Variants in OTOGL observed in about 807,000 individuals in gnomAD.
OTOGL encodes otogelin-like protein.
In OTOGL, 285 loss-of-function variants were observed where a neutral mutation model predicts 318.5. That is an observed-to-expected ratio of 0.89 (90% CI 0.81 to 0.99). OTOGL has a LOEUF of 0.99. OTOGL is among the 50% of genes least tolerant of loss of function. The probability of loss-of-function intolerance (pLI) is 0.00; values close to 1 mark genes in which losing one functional copy is unlikely to be tolerated. For synonymous variants in OTOGL, 987 were observed against 936.5 expected (o/e 1.05, Z -0.99); for missense variants, 2,899 against 2,845.6 (o/e 1.02, Z -0.43).
At chr12:80,191,537 TTTC>T (rs1231303159) in intron 1 of OTOGL, among the ~76,000 whole-genome samples, 4 of 152,256 alleles carry the variant, frequency 2.6e-5, no homozygotes, top group African/African-American at 9.6e-5. Flanking sequence ...ATATACTGTA[TTTC>T]TTAATATATT....
chr12:80,341,668 G>A (rs538166649), intron 43 of OTOGL, among the ~76,000 whole-genome samples: 2 of 152,106 alleles, frequency 1.3e-5, no homozygotes, highest in Non-Finnish European at 2.9e-5. Flanking sequence ...CAGAATTAAT[G>A]TCTTCTTTCT....
chr12:80,255,091 A>T lies in OTOGL; in HGVS notation c.1493A>T (p.His498Leu), dbSNP rs777352953. 2.0e-6 allele frequency: 3 copies of T among 1,526,600 alleles called. No individual in the cohort carries two copies. The allele number at this position is 1,526,600 out of a possible 1,614,324, so 94.6% of individuals were successfully genotyped here. Reference sequence around the variant, plus strand: ...CACTTTACAACTTTTGATGGTCGACATTATTCTTTTATTGGCATGTGCCAA... The same window carrying T: ...CACTTTACAACTTTTGATGGTCGACTTTATTCTTTTATTGGCATGTGCCAA... ...DSHFTTFDGRHYSFIGMCQYI... is the reference protein window; with the variant it reads ...DSHFTTFDGRLYSFIGMCQYI... The change falls in exon 16 of 59, where the codon CAT becomes CTT. Residue 498 changes from histidine (H) to leucine (L), a missense_variant. Physicochemically the swap from His to Leu is moderately conservative, Grantham distance 99 (BLOSUM62 -3). This residue lies in a region of OTOGL where 2,607 missense variants were observed against 2,524.9 expected (regional missense o/e 1.03). Coordinates refer to ENST00000547103, the MANE Select transcript of OTOGL (RefSeq NM_001378609.3).
intron 36 of OTOGL, 96 bp downstream of exon 36, chr12:80,328,840 C>A: frequency 1.7e-6 from 2 of 1,183,818 alleles, no homozygotes; most frequent in Non-Finnish European, 2.4e-6. Flanking sequence ...TTTAAACAGA[C>A]AATCAACTCT....
At chr12:80,220,648 T>C (rs543105827) in intron 6 of OTOGL, among the ~76,000 whole-genome samples, 4 of 124,714 alleles carry the variant, frequency 3.2e-5, no homozygotes, top group African/African-American at 1.2e-4. Context: ...ATCCACAGTG[T>C]CTAAGATAGG....
At chr12:80,340,836 C>T (rs564690286) in intron 43 of OTOGL, among the ~76,000 whole-genome samples, 39 of 151,902 alleles carry the variant, frequency 2.6e-4, no homozygotes, top group African/African-American at 9.2e-4. Flanking sequence ...GGAGTGGTGA[C>T]TGAAGTTGCA....
intron 1 of OTOGL, among the ~76,000 whole-genome samples, chr12:80,173,245 C>T (rs545207338): frequency 5.2e-4 from 79 of 151,890 alleles, no homozygotes; most frequent in Non-Finnish European, 9.7e-4. Flanking sequence ...ACTCCACAGA[C>T]GGAGCAGTGG....
At chr12:80,132,057 C>G (rs1002274939) in intron 1 of OTOGL, 2 of 152,156 alleles carry the variant, frequency 1.3e-5, no homozygotes, top group African/African-American at 4.8e-5. Context: ...CCTCAACAGA[C>G]CTACTGAATC....
intron 1 of OTOGL, among the ~76,000 whole-genome samples, chr12:80,184,425 A>G (rs1875142886): frequency 6.6e-6 from 1 of 152,210 alleles, no homozygotes; most frequent in Non-Finnish European, 1.5e-5. Context: ...ATAGTAAAAG[A>G]CGTATTTTTT....
chr12:80,307,958 C>A (rs1463627616), intron 29 of OTOGL, among the ~76,000 whole-genome samples: 1 of 138,732 alleles, frequency 7.2e-6, no homozygotes, highest in Admixed American at 6.8e-5. Context: ...AGCGGCTGGC[C>A]GGGCAGAGGG....
In OTOGL at chr12:80,318,651, T is replaced by C. The variant is rs1349363273; in HGVS notation, c.3740T>C (p.Val1247Ala). 6.9e-7 allele frequency: 1 copy of C among 1,453,124 alleles called. No individual in the cohort carries two copies. The highest frequency in any genetic ancestry group is 1.5e-5 in the South Asian group (1 of 66,482). 90.0% of individuals were successfully genotyped at this position (1,453,124 alleles called of 1,614,324 possible). Residue 1247 changes from valine (V) to alanine (A), a missense_variant, in exon 33 of 59, where the codon GTT (valine) becomes GCT (alanine). By Grantham distance (64) the Val-to-Ala change is moderately conservative (BLOSUM62 0). Around this residue, in one of 3 missense-constraint regions of OTOGL, gnomAD observed 2,607 missense variants for 2,524.9 expected, o/e 1.03. Coordinates refer to ENST00000547103, the MANE Select transcript of OTOGL (RefSeq NM_001378609.3). ...RSVFCLPRSS[V>A]HTSLFFYFMI... The stretch of plus-strand genomic sequence containing the variant: ...GTTTTCTGTTTGCCGAGAAGCAGTG[T>C]TCATACCAGTTTATTTTTTTATTTT...
chr12:80,374,363 T>C (rs1190561486), intron 57 of OTOGL, among the ~76,000 whole-genome samples: 1 of 152,170 alleles, frequency 6.6e-6, no homozygotes, highest in East Asian at 1.9e-4. Context: ...CCAAATAAGA[T>C]CACATTCTAA....
chr12:80,263,887 G>T (rs990511737), intron 19 of OTOGL, among the ~76,000 whole-genome samples: 1 of 151,860 alleles, frequency 6.6e-6, no homozygotes, highest in Non-Finnish European at 1.5e-5. Context: ...GTATTACTTT[G>T]CTCTTTCAGG....
chr12:80,358,560 T>A, intron 50 of OTOGL, 111 bp from the exon 51 acceptor site: 1 of 944,572 alleles, frequency 1.1e-6, no homozygotes, highest in Non-Finnish European at 1.6e-6. Flanking sequence ...GAGGTAGCAC[T>A]TGGGAAATAT....
chr12:80,321,636 C>T (rs1289523460), intron 34 of OTOGL, among the ~76,000 whole-genome samples: 1 of 151,904 alleles, frequency 6.6e-6, no homozygotes, highest in Non-Finnish European at 1.5e-5. Context: ...TTCTTCTATG[C>T]AAAGATTCCT....
At chr12:80,246,260 T>C (rs1880873943) in intron 11 of OTOGL, among the ~76,000 whole-genome samples, 2 of 149,314 alleles carry the variant, frequency 1.3e-5, no homozygotes, top group South Asian at 4.1e-4. Context: ...AGGGAATGCT[T>C]CCAGTTCTTG....
intron 44 of OTOGL, among the ~76,000 whole-genome samples, chr12:80,348,443 T>A (rs1889340397): frequency 6.6e-6 from 1 of 152,160 alleles, no homozygotes; most frequent in East Asian, 1.9e-4. Context: ...TTGTGTGGCA[T>A]TATTCCTGAG....
At position 80,239,425 on chromosome 12, in the gene OTOGL, T is replaced by C; in HGVS notation, c.1038T>C (p.Val346=). 1 of 1,583,972 alleles carries C rather than the reference T, an allele frequency of 6.3e-7. No individual in the cohort carries two copies. The highest frequency in any genetic ancestry group is 8.6e-7 in the Non-Finnish European group (1 of 1,164,148). ...CATACTTATATATTGCCAGCTGTGT[T>C]AATGATCTTTGCAAGTAAGTGAAAT... ...IDPYLYIASC[V]NDLCKTDDDE... is the part of the protein sequence containing the mutation. Residue 346 remains valine, a synonymous_variant, in exon 11 of 59, where the codon GTT becomes GTC. Transcript: ENST00000547103.
In OTOGL at chr12:80,328,719, C is replaced by A. The variant is rs1887868449; in HGVS notation, c.4254C>A (p.Thr1418=). 3.7e-6 allele frequency: 6 copies of A among 1,605,222 alleles called. No individual in the cohort carries two copies. The highest frequency in any genetic ancestry group is 4.3e-6 in the Non-Finnish European group (5 of 1,172,090). The change falls in exon 36 of 59, where the codon ACC becomes ACA. Residue 1418 remains threonine (T), a synonymous_variant. Transcript: ENST00000547103. ...CPKNMILDEV[T]LKCVYPRDCI... is the part of the protein sequence containing the mutation. ...AAAATATGATCCTTGATGAGGTCAC[C>A]CTCAAGTGTGTTTATCCACGAGACT...
intron 35 of OTOGL, 45 bp from the exon 36 acceptor site, chr12:80,328,620 T>C: frequency 7.1e-7 from 1 of 1,412,266 alleles, no homozygotes; most frequent in Non-Finnish European, 9.8e-7. Flanking sequence ...TTTTTTGTAT[T>C]TCAAACTTTT....
Sources: allele counts gnomAD v4.1 joint callset (sites outside exome capture counted in the v4.1 genomes callset), GRCh38; gene constraint gnomAD v4.1.1; regional missense constraint gnomAD v4.1.1; transcripts MANE v1.5; gene names NCBI Gene and HGNC (gene_info 2026-07-23, HGNC 2026-07-21).